Variants in CDC14A observed in about 807,000 individuals in gnomAD.
The protein encoded by CDC14A is dual specificity protein phosphatase CDC14A.
A neutral mutation model predicts 74.4 loss-of-function variants in CDC14A; 53 were observed. The ratio of observed to expected loss-of-function variants is 0.71; its 90% CI spans 0.57 to 0.89. CDC14A has a LOEUF of 0.89. Ranked by LOEUF, CDC14A falls within the 40% of genes least tolerant of loss-of-function variation. The pLI is 0.00. For synonymous variants in CDC14A, 247 were observed against 258.4 expected (o/e 0.96, Z 0.43); for missense variants, 646 against 713.7 (o/e 0.91, Z 1.08).
At chr1:100,436,725 T>C (rs1664388649) in intron 5 of CDC14A, among the ~76,000 whole-genome samples, 1 of 151,906 alleles carries the variant, frequency 6.6e-6, no homozygotes, top group African/African-American at 2.4e-5. Flanking sequence ...TGTGCCCAAC[T>C]GGTTCTCAGT....
intron 15 of CDC14A, among the ~76,000 whole-genome samples, chr1:100,514,899 A>G (rs1650063000): frequency 6.6e-6 from 1 of 152,260 alleles, no homozygotes; most frequent in Non-Finnish European, 1.5e-5. Flanking sequence ...TTCAAAATGC[A>G]AATGCAATTT....
At position 100,404,563 on chromosome 1, in the gene CDC14A, T is replaced by TC. The variant is rs544750551; in HGVS notation, c.309+13740dup. 4.6e-5 allele frequency among the ~76,000 whole-genome samples: 7 copies of TC among 152,268 alleles called. No individual in the cohort carries two copies. The East Asian group carries it at 1.4e-3, about 29-fold the overall frequency. On this transcript the variant is annotated intron_variant, in intron 4 of 15. Transcript: ENST00000336454. ...AAATAGTGGGATGGCTGGCGTGGTGTCTCACGCCTGTAATCCCAGCACTTT... is the reference window on the plus strand; with the variant it reads ...AAATAGTGGGATGGCTGGCGTGGTGTCCTCACGCCTGTAATCCCAGCACTTT...
intron 15 of CDC14A, among the ~76,000 whole-genome samples, chr1:100,509,809 A>G (rs1187269713): frequency 6.6e-6 from 1 of 152,232 alleles, no homozygotes; most frequent in Non-Finnish European, 1.5e-5. Context: ...GTTTAGAAGT[A>G]GATATTTTTC....
intron 15 of CDC14A, among the ~76,000 whole-genome samples, chr1:100,509,431 A>G (rs1218532511): frequency 6.6e-6 from 1 of 152,204 alleles, no homozygotes; most frequent in African/African-American, 2.4e-5. Flanking sequence ...TCTCCAAAGC[A>G]TCTGGCATTG....
intron 15 of CDC14A, among the ~76,000 whole-genome samples, chr1:100,504,152 A>G (rs1397393689): frequency 6.6e-6 from 1 of 152,238 alleles, no homozygotes; most frequent in Non-Finnish European, 1.5e-5. Flanking sequence ...AAAATGATGG[A>G]TGGTTAAATG....
intron 7 of CDC14A, among the ~76,000 whole-genome samples, chr1:100,446,350 G>C (rs1318571306): frequency 6.6e-6 from 1 of 152,172 alleles, no homozygotes; most frequent in Admixed American, 6.5e-5. Flanking sequence ...TATAGAAAGA[G>C]TGCTACTTAT....
intron 6 of CDC14A, among the ~76,000 whole-genome samples, chr1:100,440,868 A>G (rs1664850316): frequency 6.6e-6 from 1 of 152,116 alleles, no homozygotes; most frequent in Non-Finnish European, 1.5e-5. Context: ...ATGAATTTAA[A>G]CCCTATCAAA....
chr1:100,494,968 T>A, intron 12 of CDC14A, 38 bp downstream of exon 12: 1 of 1,056,700 alleles, frequency 9.5e-7, no homozygotes, highest in East Asian at 2.4e-5. Flanking sequence ...ATAGTGTGCT[T>A]CCCTTTGTGA....
rs546374096 is a variant in CDC14A, at chr1:100,375,704, T to G, written c.141-1842T>G. On this transcript the variant is annotated intron_variant, in intron 2 of 15. Transcript: ENST00000336454. ...AACACTTTTACACTGTTGGTAGGAC[T>G]GTAAACTAGTTCAACCATTGTGGAA... is the stretch of plus-strand genomic sequence containing the variant. 2.9e-3 allele frequency among the ~76,000 whole-genome samples: 435 copies of G among 152,378 alleles called. 3 individuals are homozygous for G. The highest frequency in any genetic ancestry group is 0.02 in the Admixed American group (304 of 15,310).
chr1:100,387,063 C>A (rs1046801651), intron 3 of CDC14A, among the ~76,000 whole-genome samples: 1 of 151,680 alleles, frequency 6.6e-6, no homozygotes, highest in Non-Finnish European at 1.5e-5. Flanking sequence ...AGCTAAACAA[C>A]GGACAAAATA....
In CDC14A at chr1:100,345,872, A is replaced by G. The variant is rs567934331; in HGVS notation, c.-126+689A>G. Reference sequence around the variant, plus strand: ...ATTAAATGTGCACATGGAAGTGAACATTCAAAACTTTAGATTACGGCTGGG... The same window carrying G: ...ATTAAATGTGCACATGGAAGTGAACGTTCAAAACTTTAGATTACGGCTGGG... On this transcript the variant is annotated intron_variant, in intron 1 of 14. Transcript: ENST00000635056. Among the ~76,000 whole-genome samples, 7 of 152,332 alleles carry G rather than the reference A, an allele frequency of 4.6e-5. No individual in the cohort carries two copies. The East Asian group carries it at 1.4e-3, about 29-fold the overall frequency.
At chr1:100,403,047 G>T (rs1659484284) in intron 4 of CDC14A, among the ~76,000 whole-genome samples, 1 of 152,116 alleles carries the variant, frequency 6.6e-6, no homozygotes, top group Admixed American at 6.5e-5. Flanking sequence ...GATGTGTTGG[G>T]GTAGGTCTAA....
At chr1:100,518,062 T>C (rs375527149) in intron 15 of CDC14A, among the ~76,000 whole-genome samples, 189 bp from the exon 16 acceptor site, 1 of 152,222 alleles carries the variant, frequency 6.6e-6, no homozygotes, top group African/African-American at 2.4e-5. Flanking sequence ...TTACAATCAC[T>C]TTGCGTAATT....
chr1:100,348,470 A>T (rs1461724913), upstream of CDC14A, among the ~76,000 whole-genome samples: 1 of 151,806 alleles, frequency 6.6e-6, no homozygotes, highest in Non-Finnish European at 1.5e-5. Flanking sequence ...TTTTGCTCTC[A>T]TCTGAATCTT....
intron 2 of CDC14A, among the ~76,000 whole-genome samples, chr1:100,368,713 A>ATGCTCCAAAAGG (rs1653997522): frequency 6.6e-6 from 1 of 152,196 alleles, no homozygotes; most frequent in Non-Finnish European, 1.5e-5. Flanking sequence ...AGTTCCCAAT[A>ATGCTCCAAAAGG]GTTAGTTTTG....
chr1:100,468,059 C>A lies in CDC14A; in HGVS notation c.942C>A (p.Gly314=), dbSNP rs758389972. 6.2e-7 allele frequency: 1 copy of A among 1,613,518 alleles called. No individual in the cohort carries two copies. Among genetic ancestry groups the A allele is most frequent in the East Asian group, 2.2e-5 (1 of 44,852 alleles). The change falls in exon 10 of 16, where the codon GGC becomes GGA. Residue 314 remains glycine (G), a synonymous_variant. Transcript: ENST00000336454. ...CTTGGATTAGAATATGCCGGCCAGG[C>A]TCTATTATAGGACCCCAGCAGCACT... ...IIAWIRICRP[G]SIIGPQQHFL... is the part of the protein sequence containing the mutation.
At chr1:100,377,269 A>G (rs909939005) in intron 2 of CDC14A, among the ~76,000 whole-genome samples, 2 of 151,584 alleles carry the variant, frequency 1.3e-5, no homozygotes, top group African/African-American at 2.4e-5. Context: ...CGAACACCTG[A>G]CCTCAGGCAG....
At chr1:100,504,931 C>T in intron 15 of CDC14A, 1 of 1,530,512 alleles carries the variant, frequency 6.5e-7, no homozygotes, top group Non-Finnish European at 8.8e-7. Context: ...CTGTGAAGCT[C>T]TCCCCAGTAA....
intron 6 of CDC14A, among the ~76,000 whole-genome samples, chr1:100,441,994 G>C (rs919478435): frequency 6.6e-6 from 1 of 151,866 alleles, no homozygotes; most frequent in Non-Finnish European, 1.5e-5. Context: ...AAATGTACCT[G>C]TGGTTTTGTA....
Sources: allele counts gnomAD v4.1 joint callset (sites outside exome capture counted in the v4.1 genomes callset), GRCh38; gene constraint gnomAD v4.1.1; transcripts MANE v1.5; gene names NCBI Gene and HGNC (gene_info 2026-07-23, HGNC 2026-07-21).